The following ABCG1 variants were observed in gnomAD, a reference collection of about 807,000 sequenced individuals.
ABCG1 encodes ATP-binding cassette sub-family G member 1.
In ABCG1, 29 loss-of-function variants were observed where a neutral mutation model predicts 69.2. That is an observed-to-expected ratio of 0.42 (90% CI 0.31 to 0.57). ABCG1 has a LOEUF of 0.57. Among genes scored for constraint, ABCG1 ranks in the 20% least tolerant of loss-of-function variants. ABCG1 has a pLI of 0.15. For missense variants in ABCG1, 718 were observed against 898.1 expected, an observed-to-expected ratio of 0.80 and a Z score of 2.56; for synonymous variants, 370 against 374.8, an observed-to-expected ratio of 0.99 and a Z score of 0.15.
Position 42,288,147 on chromosome 21 carries a change from G to A in ABCG1, c.1123-64G>A, listed in dbSNP as rs773278042. 36 of 1,610,712 alleles carry A rather than the reference G, an allele frequency of 2.2e-5. No homozygotes were observed. Among genetic ancestry groups the A allele is most frequent in the Non-Finnish European group, 2.7e-5 (32 of 1,177,040 alleles). The stretch of plus-strand genomic sequence containing the variant: ...GCACTGCTGCATGAGAGCTCTTTCC[G>A]AGCAAGAAGGAGCCGTGGCTCCGGA... On this transcript the variant is annotated intron_variant, in intron 9 of 14. Transcript: ENST00000398449. This position sits in a 1 kb window ranked among gnomAD's most constrained non-coding sequence, Gnocchi z 4.8.
chr21:42,253,293 A>G (rs1394061864), intron 2 of ABCG1, among the ~76,000 whole-genome samples: 2 of 152,206 alleles, frequency 1.3e-5, no homozygotes, highest in Admixed American at 6.5e-5. Context: ...AGCAGATCAG[A>G]GAAGCAGACC....
intron 2 of ABCG1, among the ~76,000 whole-genome samples, chr21:42,233,794 G>T (rs530666784): frequency 6.6e-6 from 1 of 152,364 alleles, no homozygotes; most frequent in Non-Finnish European, 1.5e-5. Context: ...CCTGCTGGAA[G>T]GTTCTTGCTG....
At chr21:42,245,890 CAG>C (rs2068127003) in intron 2 of ABCG1, among the ~76,000 whole-genome samples, 1 of 65,486 alleles carries the variant, frequency 1.5e-5, no homozygotes, top group South Asian at 4.2e-4. Flanking sequence ...GAGGAGGAGA[CAG>C]GGCACCAGGC....
chr21:42,239,199 G>A (rs1299802596), intron 2 of ABCG1, among the ~76,000 whole-genome samples: 2 of 152,278 alleles, frequency 1.3e-5, no homozygotes, highest in East Asian at 1.9e-4. Flanking sequence ...TGGCTCCACC[G>A]CCTACTAGCA....
upstream of ABCG1, among the ~76,000 whole-genome samples, chr21:42,212,405 A>T (rs1018095336): frequency 1.3e-5 from 2 of 152,172 alleles, no homozygotes; most frequent in Non-Finnish European, 2.9e-5. Context: ...GAGATTATGT[A>T]AGTGGCTGTG....
In ABCG1 at chr21:42,260,264, C is replaced by G. The variant is rs2068384025; in HGVS notation, c.287-10806C>G. The G allele has an allele frequency of 4.7e-6, 7 of 1,496,258 alleles. No individual in the cohort carries two copies. In the East Asian group the frequency reaches 1.7e-4, roughly 37 times the overall value. 92.7% of individuals were successfully genotyped at this position (1,496,258 alleles called of 1,614,324 possible). ...GGCAAGCATTTCTAGGACCCAGCTT[C>G]CACCACGGAGCCGAATGGTGGCCCG... On this transcript the variant is annotated intron_variant, in intron 2 of 14. Coordinates refer to ENST00000398449, the MANE Select transcript of ABCG1 (RefSeq NM_016818.3).
intron 2 of ABCG1, among the ~76,000 whole-genome samples, chr21:42,246,824 T>C (rs1725799951): frequency 6.6e-6 from 1 of 152,182 alleles, no homozygotes; most frequent in African/African-American, 2.4e-5. Flanking sequence ...TAAATTTGAA[T>C]CTTATATGCC....
Position 42,273,110 on chromosome 21 carries a change from A to G in ABCG1, c.405-193A>G, listed in dbSNP as rs1486249332. Reference sequence around the variant, plus strand: ...TCCCAGCAGGAGCTTTCTCTGTGGAATGTCTTCCTCCCGATCGCTGCAGTG... The same window carrying G: ...TCCCAGCAGGAGCTTTCTCTGTGGAGTGTCTTCCTCCCGATCGCTGCAGTG... On this transcript the variant is annotated intron_variant, in intron 3 of 14. Coordinates refer to ENST00000398449, the MANE Select transcript of ABCG1 (RefSeq NM_016818.3). The surrounding 1 kb of genome is among the most constrained non-coding windows in gnomAD (Gnocchi z 5.3). 1.3e-5 allele frequency among the ~76,000 whole-genome samples: 2 copies of G among 152,140 alleles called. No individual in the cohort carries two copies.
chr21:42,207,874 G>A (rs1296401873), intron 2 of ABCG1, among the ~76,000 whole-genome samples: 1 of 152,200 alleles, frequency 6.6e-6, no homozygotes, highest in African/African-American at 2.4e-5. Context: ...CCTGGGTGGT[G>A]GTGAAAGTCC....
At chr21:42,205,259 A>G (rs1400837268) in intron 2 of ABCG1, among the ~76,000 whole-genome samples, 1 of 151,920 alleles carries the variant, frequency 6.6e-6, no homozygotes, top group Non-Finnish European at 1.5e-5. Flanking sequence ...AGTAATTTGT[A>G]TCTTCTCTGT....
chr21:42,233,447 AG>A (rs2067930341), intron 2 of ABCG1, among the ~76,000 whole-genome samples: 5 of 152,178 alleles, frequency 3.3e-5, no homozygotes, highest in Non-Finnish European at 7.4e-5. Context: ...GACACCTCCC[AG>A]GCAGCCGGGC....
chr21:42,276,719 C>T lies in ABCG1; in HGVS notation c.538-176C>T. The T allele has an allele frequency of 1.5e-6, 1 of 647,094 alleles. No individual in the cohort carries two copies. The highest frequency in any genetic ancestry group is 2.7e-6 in the Non-Finnish European group (1 of 367,656). The allele number at this position is 647,094 out of a possible 1,614,324, so 40.1% of individuals were successfully genotyped here. ...TGACTAGTGGCACCGTGGCTAGCTGCACCGTGGCTAGCGGCATTGTGGCTA... is the reference window on the plus strand; with the variant it reads ...TGACTAGTGGCACCGTGGCTAGCTGTACCGTGGCTAGCGGCATTGTGGCTA... On this transcript the variant is annotated intron_variant, in intron 4 of 14. Transcript: ENST00000398449. The surrounding 1 kb of genome is among the most constrained non-coding windows in gnomAD (Gnocchi z 5.3).
Position 42,290,109 on chromosome 21 carries a change from G to C in ABCG1, c.1284G>C (p.Leu428=). The part of the protein sequence containing the change: ...HIGIGLLIGL[L]YLGIGNEAKK... ...GGATCGGCCTCCTCATTGGCCTGCT[G>C]TACTTGGGGATCGGGAACGAAGCCA... The change falls in exon 11 of 15, where the codon CTG becomes CTC. Residue 428 remains leucine (L), a synonymous_variant. Transcript: ENST00000398449. 1 of 1,614,224 alleles carries C rather than the reference G, an allele frequency of 6.2e-7. No individual in the cohort carries two copies. The highest frequency in any genetic ancestry group is 1.3e-5 in the African/African-American group (1 of 75,062).
At chr21:42,293,029 TACACACTACACACCAC>T (rs1205671219) in intron 13 of ABCG1, among the ~76,000 whole-genome samples, 1 of 82,130 alleles carries the variant, frequency 1.2e-5, no homozygotes, top group Non-Finnish European at 2.4e-5. Context: ...CACACCACAC[TACACACTACACACCAC>T]ACACACTACA....
chr21:42,249,599 G>A (rs189954833), intron 2 of ABCG1, among the ~76,000 whole-genome samples: 56 of 152,248 alleles, frequency 3.7e-4, no homozygotes, highest in Non-Finnish European at 4.7e-4. Context: ...CGTGCCCTGC[G>A]GCATAGTAGA....
intron 2 of ABCG1, among the ~76,000 whole-genome samples, chr21:42,261,110 C>T (rs574119723): frequency 1.9e-4 from 29 of 152,242 alleles, no homozygotes; most frequent in African/African-American, 6.7e-4. Flanking sequence ...CATGAGTCAC[C>T]GTACCCGGCC....
chr21:42,259,715 A>T (rs2068372883), intron 2 of ABCG1, among the ~76,000 whole-genome samples: 1 of 152,240 alleles, frequency 6.6e-6, no homozygotes, highest in South Asian at 2.1e-4. Flanking sequence ...TTACTCGGTG[A>T]TGGGAGTATA....
intron 1 of ABCG1, among the ~76,000 whole-genome samples, chr21:42,201,357 A>C (rs1221587640): frequency 6.6e-6 from 1 of 152,194 alleles, no homozygotes; most frequent in East Asian, 1.9e-4. Context: ...TTTCACTCCT[A>C]TGAGAGTCTA....
chr21:42,286,799 C>T (rs1199351256), intron 8 of ABCG1, among the ~76,000 whole-genome samples: 1 of 152,174 alleles, frequency 6.6e-6, no homozygotes, highest in Non-Finnish European at 1.5e-5. Flanking sequence ...GAGATGAGGG[C>T]ATTCCCTTCT....
Sources: gnomAD v4.1 joint callset for allele counts (sites outside exome capture counted in the v4.1 genomes callset) on GRCh38, gnomAD v4.1.1 for gene constraint, Gnocchi (gnomAD v3.1) non-coding constraint, MANE v1.5 for transcripts, NCBI Gene and HGNC (gene_info 2026-07-23, HGNC 2026-07-21) for gene names.